Variants in SLC4A10 observed in about 807,000 individuals in gnomAD.
SLC4A10 encodes the protein sodium-driven chloride bicarbonate exchanger.
In SLC4A10, 42 loss-of-function variants were observed where a neutral mutation model predicts 137.7. The ratio of observed to expected loss-of-function variants is 0.30; its 90% CI spans 0.24 to 0.39. SLC4A10 has a LOEUF of 0.39. SLC4A10 is among the 10% of genes least tolerant of loss of function. The pLI is 1.00. For missense variants in SLC4A10, 925 were observed against 1,355.0 expected, an observed-to-expected ratio of 0.68 and a Z score of 4.98; for synonymous variants, 474 against 464.1, an observed-to-expected ratio of 1.02 and a Z score of -0.27.
At chr2:161,767,320 G>A (rs891825884) in intron 1 of SLC4A10, among the ~76,000 whole-genome samples, 11 of 148,604 alleles carry the variant, frequency 7.4e-5, no homozygotes, top group African/African-American at 2.5e-4. Flanking sequence ...ATGTGTGTTA[G>A]TTGTACTTAT....
chr2:161,829,381 T>C (rs2058274028), intron 3 of SLC4A10, among the ~76,000 whole-genome samples: 1 of 152,190 alleles, frequency 6.6e-6, no homozygotes, highest in South Asian at 2.1e-4. Context: ...GGCAGTATGT[T>C]GTTTTTTTAA....
intron 2 of SLC4A10, among the ~76,000 whole-genome samples, chr2:161,775,541 A>G (rs1438924127): frequency 2.0e-5 from 3 of 151,852 alleles, no homozygotes; most frequent in Non-Finnish European, 2.9e-5. Flanking sequence ...AGAGAGACAC[A>G]TTTCGGTGTC....
At chr2:161,842,471 G>A (rs555457477) in intron 4 of SLC4A10, among the ~76,000 whole-genome samples, 92 of 151,878 alleles carry the variant, frequency 6.1e-4, no homozygotes, top group African/African-American at 2.1e-3. Context: ...TTTTTTTCAT[G>A]TGAACGAACT....
intron 1 of SLC4A10, among the ~76,000 whole-genome samples, chr2:161,700,425 T>C (rs1275476891): frequency 6.6e-6 from 1 of 152,082 alleles, no homozygotes; most frequent in African/African-American, 2.4e-5. Context: ...GAAATGGCCA[T>C]TGGATGTGGA....
intron 1 of SLC4A10, among the ~76,000 whole-genome samples, chr2:161,679,176 T>A (rs183388207): frequency 6.6e-6 from 1 of 152,266 alleles, no homozygotes; most frequent in African/African-American, 2.4e-5. Flanking sequence ...ATATTTTATG[T>A]ACAGGGGAAA....
chr2:161,674,206 A>C (rs1183087291), intron 1 of SLC4A10, among the ~76,000 whole-genome samples: 1 of 152,154 alleles, frequency 6.6e-6, no homozygotes, highest in African/African-American at 2.4e-5. Flanking sequence ...TGCAGGTCTG[A>C]ATTTGAAATA....
rs1575546528 is a variant in SLC4A10, at chr2:161,901,040, C to A, written c.1442+29C>A. The A allele has an allele frequency of 2.7e-6, 4 of 1,470,262 alleles. No individual in the cohort carries two copies. In the East Asian group the frequency reaches 9.9e-5, roughly 36 times the overall value. The allele number at this position is 1,470,262 out of a possible 1,614,324, so 91.1% of individuals were successfully genotyped here. ...AGTGAAAATCACTTCTATGGGACTT[C>A]AAGGACCAAATGACATACCATTCTT... On this transcript the variant is annotated intron_variant, in intron 12 of 26. Coordinates refer to ENST00000446997, the MANE Select transcript of SLC4A10 (RefSeq NM_001178015.2).
chr2:161,723,185 T>C (rs2045876004), intron 1 of SLC4A10, among the ~76,000 whole-genome samples: 1 of 152,102 alleles, frequency 6.6e-6, no homozygotes, highest in Non-Finnish European at 1.5e-5. Flanking sequence ...GTGGCATGGG[T>C]TCATGAGGGG....
At chr2:161,833,926 C>T (rs182124955) in intron 3 of SLC4A10, among the ~76,000 whole-genome samples, 1 of 152,338 alleles carries the variant, frequency 6.6e-6, no homozygotes, top group Admixed American at 6.5e-5. Context: ...GGTTTGGTCA[C>T]TGAATGTGGC....
intron 15 of SLC4A10, among the ~76,000 whole-genome samples, chr2:161,930,878 T>C (rs1182697032): frequency 6.6e-6 from 1 of 152,024 alleles, no homozygotes; most frequent in Non-Finnish European, 1.5e-5. Context: ...TGGTAAGATC[T>C]AATCTTCATC....
intron 21 of SLC4A10, among the ~76,000 whole-genome samples, chr2:161,963,280 T>G (rs2105905216): frequency 6.6e-6 from 1 of 152,248 alleles, no homozygotes; most frequent in South Asian, 2.1e-4. Context: ...CATAATAGTA[T>G]GAAGTACTAT....
chr2:161,819,158 G>T (rs1173009164), intron 3 of SLC4A10, among the ~76,000 whole-genome samples: 1 of 152,150 alleles, frequency 6.6e-6, no homozygotes, highest in Non-Finnish European at 1.5e-5. Context: ...CATTAGTGTT[G>T]CATTCAGGTA....
intron 15 of SLC4A10, among the ~76,000 whole-genome samples, chr2:161,908,068 G>A (rs1350487235): frequency 6.6e-6 from 1 of 151,946 alleles, no homozygotes; most frequent in African/African-American, 2.4e-5. Context: ...GGAAAAGCAA[G>A]GTCTGAGCCC....
At chr2:161,734,115 G>T (rs1271277424) in intron 1 of SLC4A10, among the ~76,000 whole-genome samples, 1 of 152,114 alleles carries the variant, frequency 6.6e-6, no homozygotes, top group Non-Finnish European at 1.5e-5. Flanking sequence ...TTGGGTTAAT[G>T]CTGAAATGAA....
chr2:161,728,322 C>A (rs1482770271), intron 1 of SLC4A10, among the ~76,000 whole-genome samples: 1 of 152,176 alleles, frequency 6.6e-6, no homozygotes, highest in Non-Finnish European at 1.5e-5. Context: ...CGCCTGTAAT[C>A]CCAACATTTT....
chr2:161,774,119 A>G (rs2052020547), intron 2 of SLC4A10, among the ~76,000 whole-genome samples: 1 of 151,840 alleles, frequency 6.6e-6, no homozygotes, highest in Non-Finnish European at 1.5e-5. Context: ...AGGGTATTGA[A>G]TCTCTGTAAT....
intron 18 of SLC4A10, 51 bp downstream of exon 18, chr2:161,949,312 T>G: frequency 2.5e-6 from 3 of 1,182,026 alleles, no homozygotes; most frequent in Non-Finnish European, 3.8e-6. Flanking sequence ...TAATCTTCAT[T>G]TAGATGATAC....
At chr2:161,915,458 C>T (rs970312779) in intron 15 of SLC4A10, among the ~76,000 whole-genome samples, 12 of 152,140 alleles carry the variant, frequency 7.9e-5, no homozygotes, top group Admixed American at 2.6e-4. Context: ...AATTTTGGTA[C>T]TCAAACAGGC....
intron 1 of SLC4A10, among the ~76,000 whole-genome samples, chr2:161,647,282 T>C (rs1222431695): frequency 2.0e-5 from 3 of 152,068 alleles, no homozygotes; most frequent in Non-Finnish European, 4.4e-5. Flanking sequence ...TAATTTCAGG[T>C]ATTTCAGCCT....
Sources: gnomAD v4.1 joint callset for allele counts (sites outside exome capture counted in the v4.1 genomes callset) on GRCh38, gnomAD v4.1.1 for gene constraint, MANE v1.5 for transcripts, NCBI Gene and HGNC (gene_info 2026-07-23, HGNC 2026-07-21) for gene names.